PRKX: variants seen among roughly 807,000 people sequenced by gnomAD.
The protein encoded by PRKX is cAMP-dependent protein kinase catalytic subunit PRKX.
A neutral mutation model predicts 22.0 loss-of-function variants in PRKX; 12 were observed. That is an observed-to-expected ratio of 0.54 (90% CI 0.35 to 0.88). PRKX has a LOEUF of 0.88. Ranked by LOEUF, PRKX falls within the 40% of genes least tolerant of loss-of-function variation. PRKX has a pLI of 0.01. For missense variants in PRKX, 217 were observed against 308.0 expected (o/e 0.70, Z 2.21); for synonymous variants, 134 against 137.7 (o/e 0.97, Z 0.19).
intron 3 of PRKX, among the ~76,000 whole-genome samples, chrX:3,645,231 T>C (rs778779485): frequency 1.9e-4 from 21 of 111,342 alleles, no homozygotes; most frequent in South Asian, 3.9e-4. Flanking sequence ...CCTGCTGTTC[T>C]CAGTTTTCTC....
intron 5 of PRKX, among the ~76,000 whole-genome samples, chrX:3,625,871 G>A (rs948127670): frequency 2.0e-4 from 22 of 111,578 alleles, no homozygotes; most frequent in African/African-American, 6.2e-4. Context: ...ACGCCCAGCC[G>A]CGTTCTTATA....
At chrX:3,706,551 T>C (rs1158095683) in intron 1 of PRKX, among the ~76,000 whole-genome samples, 1 of 111,631 alleles carries the variant, frequency 9.0e-6, no homozygotes, top group African/African-American at 3.3e-5. Context: ...AGTAGCACGA[T>C]CTCAGCCCAC....
At chrX:3,611,833 C>G (rs1041608858) in intron 8 of PRKX, among the ~76,000 whole-genome samples, 12 of 111,240 alleles carry the variant, frequency 1.1e-4, no homozygotes, top group Admixed American at 1.1e-3. Flanking sequence ...TAAGGAAGCT[C>G]GCCTGTCACT....
At chrX:3,659,717 G>GT (rs369338597) in intron 2 of PRKX, among the ~76,000 whole-genome samples, 99 of 28,018 alleles carry the variant, frequency 3.5e-3, no homozygotes, top group African/African-American at 0.015. Flanking sequence ...TGTTTTTTTT[G>GT]TTTTTTTTTT....
intron 4 of PRKX, among the ~76,000 whole-genome samples, chrX:3,637,763 C>CTTTT (rs68007143): frequency 2.0e-5 from 2 of 98,206 alleles, no homozygotes; most frequent in Non-Finnish European, 4.1e-5. Flanking sequence ...CATTTTCTTT[C>CTTTT]TTTTTTTTTT....
intron 3 of PRKX, among the ~76,000 whole-genome samples, chrX:3,650,445 C>T (rs1179242110): frequency 1.1e-5 from 1 of 87,121 alleles, no homozygotes; most frequent in Non-Finnish European, 2.1e-5. Context: ...GGCGTGAACC[C>T]GGGAGGCAGA....
rs1928839252 is a variant in PRKX, at chrX:3,713,532, G to C, written c.-279C>G. ...CGGGACGACTGCGGGGAAGGCGGGGGCCGCGGCCCGGGCTGGGGGGGGCGA... is the reference window on the plus strand; with the variant it reads ...CGGGACGACTGCGGGGAAGGCGGGGCCCGCGGCCCGGGCTGGGGGGGGCGA... On this transcript the variant is annotated 5_prime_UTR_variant, in exon 1 of 9. Transcript: ENST00000262848. 1 of 210,047 alleles carries C rather than the reference G, an allele frequency of 4.8e-6. No homozygotes were observed. Among genetic ancestry groups the C allele is most frequent in the South Asian group, 2.8e-4 (1 of 3,526 alleles). 17.3% of individuals were successfully genotyped at this position (210,047 alleles called of 1,213,427 possible). A position where few individuals can be genotyped will look rare whatever the true frequency, so the allele number is the denominator to read the frequency against.
At chrX:3,670,034 T>A (rs996521455) in intron 2 of PRKX, 4 of 123,141 alleles carry the variant, frequency 3.2e-5, no homozygotes, top group Non-Finnish European at 7.5e-5. Flanking sequence ...CACCCTGAAG[T>A]GTGCAGGACG....
intron 3 of PRKX, among the ~76,000 whole-genome samples, chrX:3,651,076 CAG>C (rs1325386653): frequency 9.6e-6 from 1 of 104,288 alleles, no homozygotes; most frequent in Admixed American, 1.0e-4. Flanking sequence ...GCCGGGCCAG[CAG>C]AGAGATGCTT....
intron 4 of PRKX, among the ~76,000 whole-genome samples, chrX:3,639,052 T>C (rs1452509261): frequency 2.6e-4 from 13 of 50,532 alleles, no homozygotes; most frequent in Non-Finnish European, 3.9e-4. Flanking sequence ...GATAAACAGA[T>C]ACATACATAC....
intron 2 of PRKX, among the ~76,000 whole-genome samples, chrX:3,669,045 C>A (rs955772292): frequency 2.7e-5 from 3 of 111,579 alleles, no homozygotes; most frequent in East Asian, 2.9e-4. Flanking sequence ...GCGGTTCCAC[C>A]GCAGAGAATC....
chrX:3,655,442 C>T, intron 2 of PRKX, 30 bp from the exon 3 acceptor site: 3 of 1,210,192 alleles, frequency 2.5e-6, no homozygotes, highest in Non-Finnish European at 3.4e-6. Context: ...ATGCTCAGGG[C>T]CCCGCCAAGG....
At chrX:3,684,184 G>A (rs1928128901) in intron 1 of PRKX, among the ~76,000 whole-genome samples, 1 of 110,421 alleles carries the variant, frequency 9.1e-6, no homozygotes, top group South Asian at 3.9e-4. Flanking sequence ...CCCGGGAGGT[G>A]GAGGTTACAG....
chrX:3,670,085 C>T (rs924845886), intron 2 of PRKX: 2 of 123,962 alleles, frequency 1.6e-5, no homozygotes, highest in Non-Finnish European at 3.7e-5. Context: ...ATGGGAGGCA[C>T]CTCCGCTGAA....
At chrX:3,628,970 G>A (rs746536334) in intron 4 of PRKX, among the ~76,000 whole-genome samples, 174 of 111,253 alleles carry the variant, frequency 1.6e-3, no homozygotes, top group African/African-American at 5.3e-3. Flanking sequence ...AACCTGAGAG[G>A]CAGAGGTTGC....
intron 1 of PRKX, among the ~76,000 whole-genome samples, chrX:3,686,618 C>T (rs374839947): frequency 9.2e-6 from 1 of 108,715 alleles, no homozygotes; most frequent in African/African-American, 3.4e-5. Flanking sequence ...AGTTCAGTGG[C>T]GCGATCTCAG....
At chrX:3,705,375 C>T (rs772513619) in intron 1 of PRKX, among the ~76,000 whole-genome samples, 2 of 111,426 alleles carry the variant, frequency 1.8e-5, no homozygotes, top group South Asian at 7.6e-4. Flanking sequence ...ACACCATTAC[C>T]TTGGGGATTA....
At chrX:3,655,911 T>C (rs1927471677) in intron 2 of PRKX, among the ~76,000 whole-genome samples, 1 of 111,516 alleles carries the variant, frequency 9.0e-6, no homozygotes, top group Non-Finnish European at 1.9e-5. Context: ...GATATGGGTG[T>C]AGATGGATGT....
intron 2 of PRKX, among the ~76,000 whole-genome samples, chrX:3,673,192 G>A (rs376426979): frequency 9.0e-6 from 1 of 111,206 alleles, no homozygotes; most frequent in African/African-American, 3.3e-5. Context: ...GTGAATGAGG[G>A]AAAACAGGTA....
Sources: allele counts gnomAD v4.1 joint callset (sites outside exome capture counted in the v4.1 genomes callset), GRCh38; gene constraint gnomAD v4.1.1; transcripts MANE v1.5; gene names NCBI Gene and HGNC (gene_info 2026-07-23, HGNC 2026-07-21).